The following DEPDC1B variants were observed in gnomAD, a reference collection of about 807,000 sequenced individuals.
DEPDC1B encodes DEP domain-containing protein 1B.
DEPDC1B carries 51 observed loss-of-function variants against 66.5 expected under a neutral mutation model. The ratio of observed to expected loss-of-function variants is 0.77; its 90% confidence interval spans 0.61 to 0.97. The LOEUF is 0.97. Among genes scored for constraint, DEPDC1B ranks in the 50% least tolerant of loss-of-function variants. The pLI is 0.00. For synonymous variants in DEPDC1B, 226 were observed against 223.6 expected (o/e 1.01, Z -0.10); for missense variants, 552 against 637.1 (o/e 0.87, Z 1.44).
intron 7 of DEPDC1B, among the ~76,000 whole-genome samples, chr5:60,613,690 T>C (rs1458389858): frequency 6.6e-6 from 1 of 152,042 alleles, no homozygotes; most frequent in Non-Finnish European, 1.5e-5. Context: ...GAATACTTAA[T>C]ACAATGTCAC....
chr5:60,678,835 T>G (rs1251303546), intron 2 of DEPDC1B, among the ~76,000 whole-genome samples: 6 of 152,218 alleles, frequency 3.9e-5, no homozygotes, highest in African/African-American at 1.4e-4. Context: ...ATTTTCCCCA[T>G]CTGTAGCTTG....
intron 6 of DEPDC1B, among the ~76,000 whole-genome samples, chr5:60,642,386 T>G (rs541287354): frequency 6.6e-6 from 1 of 152,224 alleles, no homozygotes; most frequent in Admixed American, 6.5e-5. Context: ...GCCTATGATA[T>G]TCAATGATAT....
At chr5:60,600,302 G>A (rs920239842) in intron 9 of DEPDC1B, among the ~76,000 whole-genome samples, 5 of 152,104 alleles carry the variant, frequency 3.3e-5, no homozygotes, top group Non-Finnish European at 5.9e-5. Context: ...AGGAAACCAA[G>A]GCCTGTGAAT....
intron 2 of DEPDC1B, among the ~76,000 whole-genome samples, chr5:60,651,527 C>T (rs2045356): frequency 0.57 from 85,012 of 149,062 alleles, 24,457 homozygotes; most frequent in East Asian, 0.77. Flanking sequence ...AGAGACTCCA[C>T]CTAAAAAAAA....
rs574856620 is a variant in DEPDC1B at position 60,614,483 on chromosome 5, C to A, written c.899-8627G>T. ...AACTACAAGCATGTGCCCCAACACC[C>A]TGCTAATCCATTCAGTTTTGTAAAG... is the stretch of plus-strand genomic sequence containing the variant. On this transcript the variant is annotated intron_variant, in intron 7 of 10. Transcript: ENST00000265036. Among the ~76,000 whole-genome samples the A allele has an allele frequency of 1.4e-3, 206 of 152,144 alleles. 1 individual carries two copies. Among genetic ancestry groups the A allele is most frequent in the Non-Finnish European group, 2.0e-3 (135 of 68,030 alleles).
intron 10 of DEPDC1B, 21 bp from the exon 11 acceptor site, chr5:60,597,935 A>C (rs1561351815): frequency 6.5e-7 from 1 of 1,549,040 alleles, no homozygotes; most frequent in Non-Finnish European, 8.7e-7. Context: ...GAATGGTCCA[A>C]GAAGAGTAAA....
At chr5:60,662,314 G>A (rs1753735224) in intron 2 of DEPDC1B, among the ~76,000 whole-genome samples, 1 of 152,104 alleles carries the variant, frequency 6.6e-6, no homozygotes, top group Non-Finnish European at 1.5e-5. Flanking sequence ...CGTGAACCCG[G>A]GAGGCAGAGC....
intron 2 of DEPDC1B, among the ~76,000 whole-genome samples, chr5:60,675,439 C>T (rs1299780327): frequency 6.6e-6 from 1 of 152,100 alleles, no homozygotes; most frequent in Admixed American, 6.6e-5. Flanking sequence ...AGGAACAAAC[C>T]CATCACAAAG....
Position 60,605,853 on chromosome 5 carries a change from A to C in DEPDC1B, c.902T>G (p.Leu301Trp). 1.2e-6 allele frequency: 2 copies of C among 1,608,788 alleles called. No individual in the cohort carries two copies. Among genetic ancestry groups the C allele is most frequent in the Non-Finnish European group, 1.7e-6 (2 of 1,178,360 alleles). Residue 301 changes from leucine (L) to tryptophan (W), a missense_variant, in exon 8 of 11, where the codon TTG becomes TGG. Coordinates refer to ENST00000265036, the MANE Select transcript of DEPDC1B (RefSeq NM_018369.3). ...LFDAFVSVLGLLQKEKVAVEA... is the reference protein window; with the variant it reads ...LFDAFVSVLGWLQKEKVAVEA... ...AACTGCCACTTTCTCCTTCTGTAAC[A>C]AACCTGATTTAGAAAAAAAAAAATG...
At chr5:60,664,807 T>C (rs1338929579) in intron 2 of DEPDC1B, among the ~76,000 whole-genome samples, 2 of 152,024 alleles carry the variant, frequency 1.3e-5, no homozygotes, top group Non-Finnish European at 2.9e-5. Context: ...AAAGAGTAAA[T>C]ATATATACAG....
At chr5:60,620,183 A>G (rs1752669101) in intron 7 of DEPDC1B, among the ~76,000 whole-genome samples, 1 of 152,232 alleles carries the variant, frequency 6.6e-6, no homozygotes, top group Non-Finnish European at 1.5e-5. Context: ...AAACCATAAA[A>G]ACCCTAGAAG....
intron 7 of DEPDC1B, among the ~76,000 whole-genome samples, chr5:60,632,505 G>A (rs997546520): frequency 1.3e-5 from 2 of 152,254 alleles, no homozygotes; most frequent in African/African-American, 4.8e-5. Flanking sequence ...CGGCCACACG[G>A]AACTTTGCCC....
chr5:60,663,007 G>A (rs1753754685), intron 2 of DEPDC1B, among the ~76,000 whole-genome samples: 1 of 152,130 alleles, frequency 6.6e-6, no homozygotes, highest in African/African-American at 2.4e-5. Context: ...AGTTATGATT[G>A]GGGAACTTCA....
intron 6 of DEPDC1B, among the ~76,000 whole-genome samples, chr5:60,639,277 G>A (rs892458343): frequency 1.3e-5 from 2 of 151,976 alleles, no homozygotes; most frequent in African/African-American, 4.8e-5. Context: ...AAAGTTGACC[G>A]AGATAACAAT....
intron 7 of DEPDC1B, among the ~76,000 whole-genome samples, chr5:60,608,709 A>G (rs1356816933): frequency 6.6e-6 from 1 of 152,054 alleles, no homozygotes; most frequent in East Asian, 1.9e-4. Flanking sequence ...TATTAAACAA[A>G]TATGTAAAAA....
intron 2 of DEPDC1B, among the ~76,000 whole-genome samples, chr5:60,657,318 C>T (rs1359755343): frequency 6.6e-6 from 1 of 152,060 alleles, no homozygotes; most frequent in African/African-American, 2.4e-5. Context: ...AAGTGAGGTA[C>T]TATTCTATTC....
At chr5:60,671,518 T>C (rs1340775200) in intron 2 of DEPDC1B, among the ~76,000 whole-genome samples, 1 of 152,230 alleles carries the variant, frequency 6.6e-6, no homozygotes, top group Non-Finnish European at 1.5e-5. Flanking sequence ...CATCCTTTGC[T>C]TGGGAACTCC....
chr5:60,699,695 G>A (rs1044027042), intron 1 of DEPDC1B, among the ~76,000 whole-genome samples: 4 of 152,182 alleles, frequency 2.6e-5, no homozygotes, highest in Admixed American at 2.0e-4. Flanking sequence ...TACGGGGTAC[G>A]TGGTGGCCCC....
intron 2 of DEPDC1B, among the ~76,000 whole-genome samples, chr5:60,665,733 G>A (rs1262002062): frequency 2.0e-5 from 3 of 152,100 alleles, no homozygotes; most frequent in African/African-American, 4.8e-5. Flanking sequence ...TTCCTAGGCC[G>A]ACTAAGAATT....
Sources: gnomAD v4.1 joint callset for allele counts (sites outside exome capture counted in the v4.1 genomes callset) on GRCh38, gnomAD v4.1.1 for gene constraint, MANE v1.5 for transcripts, NCBI Gene and HGNC (gene_info 2026-07-23, HGNC 2026-07-21) for gene names.